Variants in ACHE observed in about 807,000 individuals in gnomAD.
ACHE encodes the protein acetylcholinesterase.
In ACHE, 19 loss-of-function variants were observed where a neutral mutation model predicts 53.9. The ratio of observed to expected loss-of-function variants is 0.35; its 90% CI spans 0.25 to 0.52. ACHE has a LOEUF of 0.52. ACHE is among the 20% of genes least tolerant of loss of function. ACHE has a pLI of 0.95. For synonymous variants in ACHE, 392 were observed against 378.1 expected (o/e 1.04, Z -0.43); for missense variants, 605 against 849.4 (o/e 0.71, Z 3.58).
chr7:100,895,783 G>A lies in ACHE; in HGVS notation c.-21+19C>T, dbSNP rs1791008838. ...GACCCGGGCCTTAAGGAGAGTCCCGGGCGGGGAGGGAGACTCACCTGAGGC... is the reference window on the plus strand; with the variant it reads ...GACCCGGGCCTTAAGGAGAGTCCCGAGCGGGGAGGGAGACTCACCTGAGGC... On this transcript the variant is annotated intron_variant, in intron 1 of 4. Transcript: ENST00000241069. 1 of 152,070 alleles carries A rather than the reference G, an allele frequency of 6.6e-6. No homozygotes were observed. Among genetic ancestry groups the A allele is most frequent in the African/African-American group, 2.4e-5 (1 of 41,414 alleles). The allele number at this position is 152,070 out of a possible 1,614,324, so 9.4% of individuals were successfully genotyped here. A position where few individuals can be genotyped will look rare whatever the true frequency, so the allele number is the denominator to read the frequency against.
Position 100,892,951 on chromosome 7 carries a change from A to C in ACHE, c.1069-133T>G. Reference sequence around the variant, plus strand: ...CGGAACCATGGACAGAGAGAGGACGAGATCAGGGGAGGGATGCAGAGAAAG... The same window carrying C: ...CGGAACCATGGACAGAGAGAGGACGCGATCAGGGGAGGGATGCAGAGAAAG... On this transcript the variant is annotated intron_variant, in intron 2 of 4. Transcript: ENST00000241069. This position sits in a 1 kb window ranked among gnomAD's most constrained non-coding sequence, Gnocchi z 5.2. 1 of 1,282,608 alleles carries C rather than the reference A, an allele frequency of 7.8e-7. No homozygotes were observed. Among genetic ancestry groups the C allele is most frequent in the East Asian group, 2.5e-5 (1 of 39,418 alleles). The allele number at this position is 1,282,608 out of a possible 1,614,324, so 79.5% of individuals were successfully genotyped here.
rs1413542346 is a variant in ACHE at position 100,893,993 on chromosome 7, T to G, written c.240A>C (p.Pro80=). ...EPPMGPRRFL[P]PEPKQPWSGV... ...CTGACCAAGGCTGCTTGGGCTCCGG[T>G]GGCAGAAAGCGACGGGGTCCCATGG... Residue 80 remains proline (P), a synonymous_variant, in exon 2 of 5, where the codon CCA becomes CCC. Coordinates refer to ENST00000241069, the MANE Select transcript of ACHE (RefSeq NM_000665.5). 22 of 1,611,938 alleles carry G rather than the reference T, an allele frequency of 1.4e-5. No homozygotes were observed. Among genetic ancestry groups the G allele is most frequent in the Non-Finnish European group, 1.8e-5 (21 of 1,179,068 alleles).
chr7:100,891,370 G>A (rs574013626), intron 3 of ACHE, 32 bp from the exon 4 acceptor site: 18 of 1,497,354 alleles, frequency 1.2e-5, no homozygotes, highest in African/African-American at 1.1e-4. Flanking sequence ...CAGTCCAGAC[G>A]GGCAGTGGGA....
chr7:100,894,643 G>A (rs1156279451), intron 1 of ACHE, among the ~76,000 whole-genome samples: 1 of 112,154 alleles, frequency 8.9e-6, no homozygotes, highest in Non-Finnish European at 1.8e-5. Context: ...GGGCAGCGCC[G>A]CTGGGGGAGC....
intron 1 of ACHE, among the ~76,000 whole-genome samples, chr7:100,895,421 C>A (rs1329035554): frequency 0.01 from 1 of 98 alleles, no homozygotes; most frequent in Non-Finnish European, 0.018. Flanking sequence ...TGCGCAGGGG[C>A]GCTGGCTTGT....
chr7:100,890,667 G>T (rs1270485409), intron 4 of ACHE: 30 of 1,335,494 alleles, frequency 2.2e-5, no homozygotes, highest in Non-Finnish European at 2.7e-5. Flanking sequence ...CCAATGGGGG[G>T]TGCTACCCCG....
At chr7:100,896,163 C>T (rs1165221080), upstream of ACHE, 5 of 152,272 alleles carry the variant, frequency 3.3e-5, no homozygotes. Context: ...GGACAGAAGC[C>T]CGTGGAGACA....
chr7:100,891,961 TTTC>T (rs1195459981), intron 3 of ACHE, among the ~76,000 whole-genome samples: 2 of 152,004 alleles, frequency 1.3e-5, no homozygotes, highest in Admixed American at 6.6e-5. Flanking sequence ...TTGTATTTTT[TTTC>T]TTTTTAAGAG....
rs141299237 is a variant in ACHE, at chr7:100,893,820, C to A, written c.413G>T (p.Arg138Leu). The A allele has an allele frequency of 1.2e-3, 1,859 of 1,613,212 alleles. 3 individuals are homozygous for A. Among genetic ancestry groups the A allele is most frequent in the Non-Finnish European group, 1.5e-3 (1,787 of 1,179,734 alleles). ...LYLNVWTPYP[R>L]PTSPTPVLVW... is the part of the protein sequence containing the mutation. ...GAGGACAGGGGTGGGGGATGTAGGC[C>A]GGGGGTATGGTGTCCACACGTTGAG... is the stretch of plus-strand genomic sequence containing the variant. The change falls in exon 2 of 5, where the codon CGG becomes CTG. Residue 138 changes from arginine to leucine, a missense_variant. Arg to Leu is a moderately radical substitution (Grantham distance 102, BLOSUM62 -2). Coordinates refer to ENST00000241069, the MANE Select transcript of ACHE (RefSeq NM_000665.5).
upstream of ACHE, chr7:100,896,619 A>G (rs766397916): frequency 3.7e-6 from 1 of 271,930 alleles, no homozygotes; most frequent in South Asian, 2.6e-5. Flanking sequence ...CCGCGGCGGC[A>G]GTGGAAACTT....
chr7:100,894,678 C>G (rs1435520898), intron 1 of ACHE, among the ~76,000 whole-genome samples: 2 of 152,030 alleles, frequency 1.3e-5, no homozygotes, highest in Non-Finnish European at 2.9e-5. Context: ...AGCGCAGCCC[C>G]GCTCTCCTGG....
chr7:100,893,509 T>C lies in ACHE; in HGVS notation c.724A>G (p.Met242Val). 1 of 1,608,512 alleles carries C rather than the reference T, an allele frequency of 6.2e-7. No homozygotes were observed. Residue 242 changes from methionine to valine, a missense_variant, in exon 2 of 5, where the codon ATG becomes GTG. Physicochemically the swap from Met to Val is conservative, Grantham distance 21. Coordinates refer to ENST00000241069, the MANE Select transcript of ACHE (RefSeq NM_000665.5). ...CGGCTGGGCGGGGACAGCAGGTGCATGCCCACCGAGGCGGCTCCCGCGCTC... is the reference window on the plus strand; with the variant it reads ...CGGCTGGGCGGGGACAGCAGGTGCACGCCCACCGAGGCGGCTCCCGCGCTC... ...GESAGAASVG[M>V]HLLSPPSRGL...
intron 3 of ACHE, 95 bp from the exon 4 acceptor site, chr7:100,891,433 C>A (rs1790690617): frequency 1.6e-6 from 2 of 1,255,170 alleles, no homozygotes; most frequent in Admixed American, 3.2e-5. Flanking sequence ...CAGCGGAGAG[C>A]CCCAGAGAAC....
rs752650772 is a variant in ACHE, at chr7:100,892,444, C to T, written c.1443G>A (p.Glu481=). ...GGGGGATCCCAAAGATGAACTCGAT[C>T]TCGTAGCCGTGGGGCACCCCCATCC... ...PLWMGVPHGY[E]IEFIFGIPLD... is the part of the protein sequence containing the mutation. The change falls in exon 3 of 5, where the codon GAG becomes GAA. Residue 481 remains glutamate, a synonymous_variant. Transcript: ENST00000241069. The surrounding 1 kb of genome is among the most constrained non-coding windows in gnomAD (Gnocchi z 5.2). 6.5e-7 allele frequency: 1 copy of T among 1,549,360 alleles called. No individual in the cohort carries two copies. The highest frequency in any genetic ancestry group is 2.3e-5 in the East Asian group (1 of 43,926).
In ACHE at chr7:100,894,124, C is replaced by A; in HGVS notation, c.109G>T (p.Ala37Ser). ...CCACGCACCGTCACCAGCAGCTCTG[C>A]ATCCTCCCGGCCCTCAGCCCCCACT... ...GGVGAEGRED[A>S]ELLVTVRGGR... Residue 37 changes from alanine (A) to serine (S), a missense_variant, in exon 2 of 5, where the codon GCA becomes TCA. Coordinates refer to ENST00000241069, the MANE Select transcript of ACHE (RefSeq NM_000665.5). 6.7e-7 allele frequency: 1 copy of A among 1,497,908 alleles called. No homozygotes were observed. The allele number at this position is 1,497,908 out of a possible 1,614,324, so 92.8% of individuals were successfully genotyped here.
In ACHE at chr7:100,891,332, G is replaced by A. The variant is rs1400634861; in HGVS notation, c.1560C>T (p.Pro520=). The A allele has an allele frequency of 6.4e-7, 1 of 1,551,828 alleles. No homozygotes were observed. The highest frequency in any genetic ancestry group is 1.2e-5 in the South Asian group (1 of 85,796). ...GGGCCTTGGGGTCTCGGGGCTCATT[G>A]GGATCCCTGCGGAAGGAAGGGAAGG... ...YWANFARTGD[P]NEPRDPKAPQ... The change falls in exon 4 of 5, where the codon CCC becomes CCT. Residue 520 remains proline, a synonymous_variant. Coordinates refer to ENST00000241069, the MANE Select transcript of ACHE (RefSeq NM_000665.5).
Position 100,893,701 on chromosome 7 carries a change from C to T in ACHE, c.532G>A (p.Val178Met). The change falls in exon 2 of 5, where the codon GTG (valine) becomes ATG (methionine). Residue 178 changes from valine (V) to methionine (M), a missense_variant. By Grantham distance (21) the Val-to-Met change is conservative. Transcript: ENST00000241069. ...GCTCCCACCCGGTAGTTCATGGACA[C>T]CAGCACAGTCCTCTCGGCCTGTACC... The part of the protein sequence containing the change: ...FLVQAERTVL[V>M]SMNYRVGAFG... The T allele has an allele frequency of 6.2e-7, 1 of 1,613,474 alleles. No homozygotes were observed. The highest frequency in any genetic ancestry group is 8.5e-7 in the Non-Finnish European group (1 of 1,180,024).
chr7:100,896,667 A>T, upstream of ACHE: 1 of 298,256 alleles, frequency 3.4e-6, no homozygotes, highest in Non-Finnish European at 7.1e-6. Flanking sequence ...TGGTTCCCTG[A>T]CGGGTGACTT....
intron 4 of ACHE, 121 bp from the exon 5 acceptor site, chr7:100,890,456 G>C: frequency 6.8e-7 from 1 of 1,475,924 alleles, no homozygotes; most frequent in Non-Finnish European, 9.0e-7. Context: ...GAGAAATGCA[G>C]GCGACCACGT....
Sources: gnomAD v4.1 joint callset for allele counts (sites outside exome capture counted in the v4.1 genomes callset) on GRCh38, gnomAD v4.1.1 for gene constraint, Gnocchi (gnomAD v3.1) non-coding constraint, MANE v1.5 for transcripts, NCBI Gene and HGNC (gene_info 2026-07-23, HGNC 2026-07-21) for gene names.